Variants in UGT8 observed in about 807,000 individuals in gnomAD.
UGT8 encodes the protein 2-hydroxyacylsphingosine 1-beta-galactosyltransferase.
UGT8 carries 12 observed loss-of-function variants against 40.5 expected under a neutral mutation model. The observed-to-expected ratio is 0.30, with a 90% CI of 0.19 to 0.48. The LOEUF is 0.48. Among genes scored for constraint, UGT8 ranks in the 20% least tolerant of loss-of-function variants. The pLI is 0.99. For synonymous variants in UGT8, 224 were observed against 240.4 expected, an observed-to-expected ratio of 0.93 and a Z score of 0.63; for missense variants, 513 against 648.7, an observed-to-expected ratio of 0.79 and a Z score of 2.27.
chr4:114,668,887 T>C (rs1735061712), intron 5 of UGT8, among the ~76,000 whole-genome samples: 1 of 152,168 alleles, frequency 6.6e-6, no homozygotes, highest in East Asian at 1.9e-4. Context: ...TATTGATGGG[T>C]CCTGAGTTAA....
intron 1 of UGT8, among the ~76,000 whole-genome samples, chr4:114,611,528 C>CAT (rs34223454): frequency 0.15 from 6,277 of 43,194 alleles, 306 homozygotes; most frequent in Middle Eastern, 0.24. Flanking sequence ...CGTATATATC[C>CAT]ATATATATAT....
At chr4:114,650,380 T>C (rs543809997) in intron 2 of UGT8, among the ~76,000 whole-genome samples, 3 of 152,296 alleles carry the variant, frequency 2.0e-5, no homozygotes, top group Admixed American at 6.5e-5. Flanking sequence ...AAATCAGAAC[T>C]TGGTGATGAC....
At chr4:114,628,228 C>G (rs971062756) in intron 2 of UGT8, among the ~76,000 whole-genome samples, 4 of 152,056 alleles carry the variant, frequency 2.6e-5, no homozygotes, top group Admixed American at 2.0e-4. Context: ...TAGCCTCTGC[C>G]TCTTGGGTTC....
rs778789557 is a variant in UGT8 at position 114,676,135 on chromosome 4, C to G, written c.1473C>G (p.Leu491=). 6.2e-7 allele frequency: 1 copy of G among 1,614,184 alleles called. No homozygotes were observed. Among genetic ancestry groups the G allele is most frequent in the Non-Finnish European group, 8.5e-7 (1 of 1,180,038 alleles). The change falls in exon 6 of 6, where the codon CTC becomes CTG. Residue 491 remains leucine, a synonymous_variant. Transcript: ENST00000310836. The part of the protein sequence containing the change: ...LLLGAALLYF[L]LSWVTKFIYR... Reference sequence around the variant, plus strand: ...TTGGTGCTGCCTTGTTATACTTTCTCTTGTCTTGGGTGACAAAATTTATCT... The same window carrying G: ...TTGGTGCTGCCTTGTTATACTTTCTGTTGTCTTGGGTGACAAAATTTATCT...
chr4:114,624,843 A>G (rs1419750488), intron 2 of UGT8, among the ~76,000 whole-genome samples: 1 of 152,176 alleles, frequency 6.6e-6, no homozygotes, highest in African/African-American at 2.4e-5. Flanking sequence ...AGCATTTCAA[A>G]TATATACAGC....
intron 2 of UGT8, among the ~76,000 whole-genome samples, chr4:114,658,253 G>T (rs1734306423): frequency 6.6e-6 from 1 of 152,156 alleles, no homozygotes; most frequent in Admixed American, 6.5e-5. Flanking sequence ...TGATGTTGGT[G>T]TTGGGAATAA....
In UGT8 at chr4:114,654,379, T is replaced by A. The variant is rs79824598; in HGVS notation, c.823-9616T>A. 5.4e-3 allele frequency among the ~76,000 whole-genome samples: 818 copies of A among 152,134 alleles called. 12 individuals are homozygous for A. The highest frequency in any genetic ancestry group is 0.019 in the African/African-American group (792 of 41,526). On this transcript the variant is annotated intron_variant, in intron 2 of 5. Coordinates refer to ENST00000310836, the MANE Select transcript of UGT8 (RefSeq NM_001128174.3). ...TCTTGAGAAAGAAACCAAATGAAGA[T>A]GCATTAGAGACATTTCAGCCCCTAG... is the stretch of plus-strand genomic sequence containing the variant.
At chr4:114,657,188 C>G (rs1165312932) in intron 2 of UGT8, among the ~76,000 whole-genome samples, 1 of 151,758 alleles carries the variant, frequency 6.6e-6, no homozygotes, top group Non-Finnish European at 1.5e-5. Context: ...ATCATATCCT[C>G]GGGATGTCCC....
intron 5 of UGT8, among the ~76,000 whole-genome samples, chr4:114,675,048 A>G (rs998592755): frequency 6.6e-6 from 1 of 152,224 alleles, no homozygotes; most frequent in Non-Finnish European, 1.5e-5. Context: ...TACATTACCT[A>G]TACATATATA....
At chr4:114,606,535 G>T (rs1054469238) in intron 1 of UGT8, among the ~76,000 whole-genome samples, 1 of 152,172 alleles carries the variant, frequency 6.6e-6, no homozygotes, top group African/African-American at 2.4e-5. Context: ...TAGTCAAACA[G>T]GTTTGCCTGT....
At chr4:114,660,674 C>T (rs969355713) in intron 2 of UGT8, among the ~76,000 whole-genome samples, 7 of 151,970 alleles carry the variant, frequency 4.6e-5, no homozygotes, top group African/African-American at 1.5e-4. Context: ...GGGCAGATCA[C>T]GAGGTCAGGA....
chr4:114,649,526 A>G (rs1324514589), intron 2 of UGT8, among the ~76,000 whole-genome samples: 1 of 152,160 alleles, frequency 6.6e-6, no homozygotes, highest in African/African-American at 2.4e-5. Flanking sequence ...GTAGGGACCC[A>G]AGCTGCTTCA....
chr4:114,628,442 A>G (rs1732375083), intron 2 of UGT8, among the ~76,000 whole-genome samples: 3 of 152,072 alleles, frequency 2.0e-5, no homozygotes, highest in African/African-American at 7.2e-5. Flanking sequence ...CCCAGCTGGT[A>G]CTAAGTTATT....
At chr4:114,633,982 A>G (rs1328383590) in intron 2 of UGT8, among the ~76,000 whole-genome samples, 2 of 151,926 alleles carry the variant, frequency 1.3e-5, no homozygotes, top group Non-Finnish European at 2.9e-5. Flanking sequence ...GTGGAAAAAG[A>G]ACAATAAAAG....
intron 2 of UGT8, among the ~76,000 whole-genome samples, chr4:114,629,976 G>A (rs1325278659): frequency 6.6e-6 from 1 of 152,136 alleles, no homozygotes; most frequent in Non-Finnish European, 1.5e-5. Flanking sequence ...TTTTAGAAAT[G>A]ACAAATTTCT....
At chr4:114,627,841 CTGT>C (rs1274682963) in intron 2 of UGT8, among the ~76,000 whole-genome samples, 2 of 152,144 alleles carry the variant, frequency 1.3e-5, no homozygotes, top group African/African-American at 2.4e-5. Flanking sequence ...CTACTGTTTG[CTGT>C]TGTTGTACTG....
chr4:114,602,103 TTG>T (rs982170580), intron 1 of UGT8, among the ~76,000 whole-genome samples: 3 of 152,130 alleles, frequency 2.0e-5, no homozygotes, highest in African/African-American at 7.2e-5. Context: ...TAGAAAAAAT[TTG>T]TGTATGAGAT....
At chr4:114,625,294 C>G (rs1560678480) in intron 2 of UGT8, among the ~76,000 whole-genome samples, 1 of 152,070 alleles carries the variant, frequency 6.6e-6, no homozygotes, top group African/African-American at 2.4e-5. Context: ...AGGAGGATCA[C>G]TTGAGTCCAG....
At chr4:114,667,415 A>AACTT (rs1485114515) in intron 4 of UGT8, among the ~76,000 whole-genome samples, 4 of 152,196 alleles carry the variant, frequency 2.6e-5, no homozygotes, top group African/African-American at 9.6e-5. Context: ...CTAGGTTTTG[A>AACTT]ACTTCCATAT....
Sources: gnomAD v4.1 joint callset for allele counts (sites outside exome capture counted in the v4.1 genomes callset) on GRCh38, gnomAD v4.1.1 for gene constraint, MANE v1.5 for transcripts, NCBI Gene and HGNC (gene_info 2026-07-23, HGNC 2026-07-21) for gene names.